The following ASPH variants were observed in gnomAD, a reference collection of about 807,000 sequenced individuals.
ASPH encodes aspartyl/asparaginyl beta-hydroxylase.
A neutral mutation model predicts 118.4 loss-of-function variants in ASPH; 100 were observed. The observed-to-expected ratio is 0.84, with a 90% CI of 0.72 to 1.00. The LOEUF (loss-of-function observed/expected upper bound fraction) is 1.00. Among genes scored for constraint, ASPH ranks in the 50% least tolerant of loss-of-function variants. The pLI, the probability that ASPH is intolerant of heterozygous loss-of-function variation, is 0.00. For missense variants in ASPH, 920 were observed against 919.5 expected, an observed-to-expected ratio of 1.00 and a Z score of -0.01; for synonymous variants, 315 against 325.6, an observed-to-expected ratio of 0.97 and a Z score of 0.35.
rs895098572 is a variant in ASPH at position 61,500,876 on chromosome 8, A to G, written c.*2483T>C. The G allele has an allele frequency of 1.3e-5, 2 of 152,192 alleles. No homozygotes were observed. The highest frequency in any genetic ancestry group is 4.8e-5 in the African/African-American group (2 of 41,462). The allele number at this position is 152,192 out of a possible 1,614,324, so 9.4% of individuals were successfully genotyped here. A position where few individuals can be genotyped will look rare whatever the true frequency, so the allele number is the denominator to read the frequency against. On this transcript the variant is annotated 3_prime_UTR_variant, in exon 25 of 25. Transcript: ENST00000379454. Reference sequence around the variant, plus strand: ...ATTTGTTAGCTAAATAATTCAAGGGAAAGAGATTATTCAACTGGTCATAAT... The same window carrying G: ...ATTTGTTAGCTAAATAATTCAAGGGGAAGAGATTATTCAACTGGTCATAAT...
intron 22 of ASPH, 90 bp from the exon 23 acceptor site, chr8:61,518,213 C>T: frequency 9.2e-7 from 1 of 1,084,998 alleles, no homozygotes; most frequent in South Asian, 1.5e-5. Context: ...ATGTCATCCT[C>T]ACTGCAGGAA....
intron 5 of ASPH, among the ~76,000 whole-genome samples, chr8:61,648,227 A>C (rs1285763702): frequency 6.6e-6 from 1 of 152,188 alleles, no homozygotes; most frequent in African/African-American, 2.4e-5. Flanking sequence ...CATTATCACC[A>C]TTATTACAGT....
At chr8:61,638,535 A>T (rs1858940580) in intron 10 of ASPH, among the ~76,000 whole-genome samples, 172 bp from the exon 11 acceptor site, 1 of 152,162 alleles carries the variant, frequency 6.6e-6, no homozygotes. Context: ...GTCTAGGGTA[A>T]AACAGGCCTG....
chr8:61,665,382 T>A lies in ASPH; in HGVS notation c.323-11722A>T. The A allele has an allele frequency of 1.9e-6, 3 of 1,613,870 alleles. No individual in the cohort carries two copies. The South Asian group carries it at 3.3e-5, about 18-fold the overall frequency. On this transcript the variant is annotated intron_variant, in intron 3 of 24. Coordinates refer to ENST00000379454, the MANE Select transcript of ASPH (RefSeq NM_004318.4). ...ACATCCTTCATATTTGTTGATTTTT[T>A]CCTATTTTCCTTGGTTTTAGCACTT...
At chr8:61,712,828 A>G (rs948038222) in intron 1 of ASPH, among the ~76,000 whole-genome samples, 4 of 152,224 alleles carry the variant, frequency 2.6e-5, no homozygotes, top group Non-Finnish European at 5.9e-5. Context: ...TAAACACAAA[A>G]ATGAAATGGA....
At chr8:61,700,372 T>TA (rs1184338221) in intron 1 of ASPH, among the ~76,000 whole-genome samples, 2 of 152,124 alleles carry the variant, frequency 1.3e-5, no homozygotes, top group African/African-American at 4.8e-5. Context: ...GACAGGAACA[T>TA]AAGCACCGAA....
rs376477425 is a variant in ASPH, at chr8:61,579,126, A to G, written c.1063-2268T>C. ...GAAGCACGGGGATGACCTGTGGCGC[A>G]CAAAGACTGAGATCTCTGAGATGAA... On this transcript the variant is annotated intron_variant, in intron 15 of 24. Transcript: ENST00000379454. 2.2e-4 allele frequency: 350 copies of G among 1,611,532 alleles called. 6 individuals carry two copies. In the South Asian group the frequency reaches 3.0e-3, roughly 14 times the overall value.
At chr8:61,556,546 C>G (rs1051724764) in intron 18 of ASPH, among the ~76,000 whole-genome samples, 1 of 152,142 alleles carries the variant, frequency 6.6e-6, no homozygotes, top group Non-Finnish European at 1.5e-5. Context: ...CCATTTTAAG[C>G]CCTGAAGATA....
chr8:61,582,838 G>A (rs1461207256), intron 15 of ASPH, among the ~76,000 whole-genome samples: 3 of 152,088 alleles, frequency 2.0e-5, no homozygotes, highest in Non-Finnish European at 4.4e-5. Context: ...GAAAACTAAT[G>A]AACATTACAG....
chr8:61,668,138 A>G, intron 3 of ASPH: 1 of 1,234,258 alleles, frequency 8.1e-7, no homozygotes. Context: ...AATAGTGTTT[A>G]GCATTAGTAG....
chr8:61,527,972 C>A (rs748970663), intron 21 of ASPH, among the ~76,000 whole-genome samples: 1 of 152,306 alleles, frequency 6.6e-6, no homozygotes, highest in Admixed American at 6.5e-5. Context: ...AGCGTGACTG[C>A]CTCCTCACCT....
At chr8:61,583,541 CAAA>C (rs11311318) in intron 15 of ASPH, 182 of 112,854 alleles carry the variant, frequency 1.6e-3, no homozygotes, top group Middle Eastern at 4.3e-3. Flanking sequence ...AGGCTCTGTC[CAAA>C]AAAAAAAAAA....
chr8:61,686,260 T>C (rs1034781359), intron 1 of ASPH, among the ~76,000 whole-genome samples: 3 of 152,180 alleles, frequency 2.0e-5, no homozygotes, highest in South Asian at 2.1e-4. Flanking sequence ...ATAGATCCTA[T>C]TGTTGCAGAT....
chr8:61,630,179 T>A (rs923061535), intron 13 of ASPH, among the ~76,000 whole-genome samples: 1 of 151,836 alleles, frequency 6.6e-6, no homozygotes, highest in Non-Finnish European at 1.5e-5. Context: ...CTGTATAACT[T>A]AGTATTAGGA....
chr8:61,567,134 A>G (rs377113813), intron 17 of ASPH, 34 bp downstream of exon 17: 93 of 1,606,550 alleles, frequency 5.8e-5, no homozygotes, highest in Non-Finnish European at 7.7e-5. Flanking sequence ...AACATATGCC[A>G]TTTCCTACTG....
At chr8:61,562,975 G>A (rs1830513633) in intron 17 of ASPH, 95 bp from the exon 18 acceptor site, 1 of 1,256,572 alleles carries the variant, frequency 8.0e-7, no homozygotes, top group Non-Finnish European at 1.0e-6. Flanking sequence ...ATTCACCAGA[G>A]CCTGAGAACC....
At chr8:61,611,994 T>G (rs1346825268) in intron 14 of ASPH, among the ~76,000 whole-genome samples, 2 of 146,712 alleles carry the variant, frequency 1.4e-5, no homozygotes, top group Non-Finnish European at 3.0e-5. Flanking sequence ...CTACTAGATA[T>G]GCAAAAAAAA....
chr8:61,638,237 G>T lies in ASPH; in HGVS notation c.832+85C>A. 2.0e-6 allele frequency: 3 copies of T among 1,487,084 alleles called. No individual in the cohort carries two copies. The South Asian group carries it at 3.7e-5, about 18-fold the overall frequency. The allele number at this position is 1,487,084 out of a possible 1,614,324, so 92.1% of individuals were successfully genotyped here. A position where few individuals can be genotyped will look rare whatever the true frequency, so the allele number is the denominator to read the frequency against. ...AAATGTCTTGCATTTTTTCTACACT[G>T]ACTCTTTGTTCCACAGGTAGGAGTT... On this transcript the variant is annotated intron_variant, in intron 11 of 24. Transcript: ENST00000379454.
chr8:61,549,289 T>C (rs935121546), intron 20 of ASPH, among the ~76,000 whole-genome samples: 2 of 152,090 alleles, frequency 1.3e-5, no homozygotes, highest in African/African-American at 4.8e-5. Context: ...ACACTTTACA[T>C]TGACTACTTT....
Sources: allele counts gnomAD v4.1 joint callset (sites outside exome capture counted in the v4.1 genomes callset), GRCh38; gene constraint gnomAD v4.1.1; transcripts MANE v1.5; gene names NCBI Gene and HGNC (gene_info 2026-07-23, HGNC 2026-07-21).